CLMN: variants seen among roughly 807,000 people sequenced by gnomAD.
CLMN encodes the protein calmin (calponin-like, transmembrane).
A neutral mutation model predicts 92.7 loss-of-function variants in CLMN; 57 were observed. The observed-to-expected ratio is 0.61, with a 90% CI of 0.50 to 0.77. The LOEUF (loss-of-function observed/expected upper bound fraction) is 0.77. Ranked by LOEUF, CLMN falls within the 30% of genes least tolerant of loss-of-function variation. The pLI is 0.00. For synonymous variants in CLMN, 466 were observed against 470.6 expected (o/e 0.99, Z 0.13); for missense variants, 1,158 against 1,237.5 (o/e 0.94, Z 0.96).
rs144388843 is a variant in CLMN, at chr14:95,284,365, C to T, written c.82+35346G>A. ...AAGGGAAATGTGGGGTCAGAGCCCC[C>T]ATACAGAGTCCCTACTGGGGCACTG... On this transcript the variant is annotated intron_variant, in intron 1 of 12. Transcript: ENST00000298912. Among the ~76,000 whole-genome samples the T allele has an allele frequency of 2.2e-3, 337 of 152,356 alleles. 1 individual carries two copies. Among genetic ancestry groups the T allele is most frequent in the African/African-American group, 7.4e-3 (307 of 41,590 alleles).
In CLMN at chr14:95,184,510, G is replaced by T. The variant is rs1285483155; in HGVS notation, c.*7054C>A. 1 of 152,210 alleles carries T rather than the reference G, an allele frequency of 6.6e-6. No individual in the cohort carries two copies. The highest frequency in any genetic ancestry group is 6.5e-5 in the Admixed American group (1 of 15,288). The allele number at this position is 152,210 out of a possible 1,614,324, so 9.4% of individuals were successfully genotyped here. On this transcript the variant is annotated 3_prime_UTR_variant, in exon 13 of 13. Transcript: ENST00000298912. ...CTGGTTGTCTTTTTCCCATAGACAA[G>T]AATGTTTTTTGGCATGTTGCTCCAG... is the stretch of plus-strand genomic sequence containing the variant.
At position 95,203,507 on chromosome 14, in the gene CLMN, G is replaced by A. The variant is rs1345413190; in HGVS notation, c.1842C>T (p.His614=). 6.2e-7 allele frequency: 1 copy of A among 1,614,100 alleles called. No homozygotes were observed. The highest frequency in any genetic ancestry group is 8.5e-7 in the Non-Finnish European group (1 of 1,180,024). Residue 614 remains histidine, a synonymous_variant, in exon 9 of 13, where the codon CAC becomes CAT. Coordinates refer to ENST00000298912, the MANE Select transcript of CLMN (RefSeq NM_024734.4). ...GAGGCTCTGGCGAATCCTTCTTTTT[G>A]TGAGCAGATTTAATACTCCTTTTAC... ...KLGKRSIKSA[H]KKKDSPEPQV... is the part of the protein sequence containing the mutation.
In CLMN at chr14:95,194,167, C is replaced by CG. The variant is rs1896634572; in HGVS notation, c.2770-249dup. On this transcript the variant is annotated intron_variant, in intron 11 of 12. Transcript: ENST00000298912. This position sits in a 1 kb window ranked among gnomAD's most constrained non-coding sequence, Gnocchi z 4.0. ...GAACCCGGATTGGGGTGTGCTGCTC[C>CG]GGGTTCTAACACATCTGCTACTGAG... The CG allele has an allele frequency of 7.1e-7, 1 of 1,404,124 alleles. No homozygotes were observed. The highest frequency in any genetic ancestry group is 1.4e-5 in the African/African-American group (1 of 69,100). 87.0% of individuals were successfully genotyped at this position (1,404,124 alleles called of 1,614,324 possible). A position where few individuals can be genotyped will look rare whatever the true frequency, so the allele number is the denominator to read the frequency against.
chr14:95,194,108 C>A lies in CLMN; in HGVS notation c.2770-189G>T. On this transcript the variant is annotated intron_variant, in intron 11 of 12. Coordinates refer to ENST00000298912, the MANE Select transcript of CLMN (RefSeq NM_024734.4). This position sits in a 1 kb window ranked among gnomAD's most constrained non-coding sequence, Gnocchi z 4.0. ...ATTCCTCTACCTCCTCCCCTAAGCC[C>A]CTCCCTTGTGAGTGCGAGAGACCCC... The A allele has an allele frequency of 7.0e-7, 1 of 1,424,522 alleles. No individual in the cohort carries two copies. 88.2% of individuals were successfully genotyped at this position (1,424,522 alleles called of 1,614,324 possible).
At chr14:95,251,115 C>T (rs759293294) in intron 1 of CLMN, among the ~76,000 whole-genome samples, 24 of 152,134 alleles carry the variant, frequency 1.6e-4, no homozygotes, top group Non-Finnish European at 2.9e-4. Context: ...ACGCATTTGG[C>T]GTCTGCACTC....
Position 95,202,088 on chromosome 14 carries a change from C to T in CLMN, c.2511+750G>A, listed in dbSNP as rs1274176971. Among the ~76,000 whole-genome samples, 3 of 152,144 alleles carry T rather than the reference C, an allele frequency of 2.0e-5. No homozygotes were observed. The South Asian group carries it at 6.2e-4, about 32-fold the overall frequency. ...GCAGAATGATTTATATTCCTTTGGG[C>T]ATATACCTCGTAATGGGATTGGTGG... On this transcript the variant is annotated intron_variant, in intron 9 of 12. Transcript: ENST00000298912.
chr14:95,204,688 T>A (rs549215897), intron 8 of CLMN, among the ~76,000 whole-genome samples: 1 of 152,058 alleles, frequency 6.6e-6, no homozygotes, highest in Non-Finnish European at 1.5e-5. Context: ...TATGAAAACA[T>A]CAGATAAATA....
rs189302493 is a variant in CLMN, at chr14:95,272,247, G to A, written c.83-42114C>T. 2.6e-5 allele frequency among the ~76,000 whole-genome samples: 4 copies of A among 152,312 alleles called. No homozygotes were observed. The East Asian group carries it at 7.7e-4, about 29-fold the overall frequency. ...AAAGGCAGACACTGAGCCGGAGGAG[G>A]AGCCTGCCAGGAGGGTGTGGGCTGA... On this transcript the variant is annotated intron_variant, in intron 1 of 12. Coordinates refer to ENST00000298912, the MANE Select transcript of CLMN (RefSeq NM_024734.4).
intron 1 of CLMN, among the ~76,000 whole-genome samples, chr14:95,238,046 C>G (rs1394273117): frequency 6.6e-6 from 1 of 152,186 alleles, no homozygotes; most frequent in African/African-American, 2.4e-5. Context: ...ACTGGCCCAC[C>G]CTCCGACCAC....
In CLMN at chr14:95,256,059, C is replaced by G. The variant is rs10129437; in HGVS notation, c.83-25926G>C. On this transcript the variant is annotated intron_variant, in intron 1 of 12. Transcript: ENST00000298912. The surrounding 1 kb of genome is among the most constrained non-coding windows in gnomAD (Gnocchi z 4.9). ...AATGAGGAAACTGAGGCACAGAAAG[C>G]TTAACGAACTTGCCTGCAGTCATAC... is the stretch of plus-strand genomic sequence containing the variant. Among the ~76,000 whole-genome samples the G allele has an allele frequency of 0.24, 36,559 of 152,092 alleles. 5,897 individuals carry two copies. The highest frequency in any genetic ancestry group is 0.46 in the African/African-American group (18,894 of 41,422).
At chr14:95,243,387 G>T (rs77036989) in intron 1 of CLMN, among the ~76,000 whole-genome samples, 35,221 of 152,040 alleles carry the variant, frequency 0.23, 5,309 homozygotes, top group African/African-American at 0.43. Context: ...TTTGTTACTT[G>T]CAAGTCAGGG....
intron 1 of CLMN, among the ~76,000 whole-genome samples, chr14:95,295,586 T>C (rs1900778370): frequency 6.6e-6 from 1 of 152,156 alleles, no homozygotes; most frequent in Non-Finnish European, 1.5e-5. Flanking sequence ...CTAGCCCTCT[T>C]TGAATGCACA....
At chr14:95,311,266 A>G (rs1459390186) in intron 1 of CLMN, among the ~76,000 whole-genome samples, 1 of 152,146 alleles carries the variant, frequency 6.6e-6, no homozygotes, top group African/African-American at 2.4e-5. Context: ...ACTGCTTTTA[A>G]GTATGTCATA....
At position 95,203,444 on chromosome 14, in the gene CLMN, G is replaced by A. The variant is rs374137930; in HGVS notation, c.1905C>T (p.Ser635=). 7.5e-5 allele frequency: 121 copies of A among 1,613,928 alleles called. No individual in the cohort carries two copies. The highest frequency in any genetic ancestry group is 9.8e-5 in the Non-Finnish European group (116 of 1,180,012). The change falls in exon 9 of 13, where the codon TCC becomes TCT. Residue 635 remains serine, a synonymous_variant. Transcript: ENST00000298912. ...KMDKHEPHQD[S]GEEAEGCPSA... is the part of the protein sequence containing the mutation. Reference sequence around the variant, plus strand: ...AAGGACAGCCTTCAGCTTCTTCTCCGGAGTCCTGATGAGGTTCATGTTTGT... The same window carrying A: ...AAGGACAGCCTTCAGCTTCTTCTCCAGAGTCCTGATGAGGTTCATGTTTGT...
intron 1 of CLMN, among the ~76,000 whole-genome samples, chr14:95,236,074 G>C (rs1036440467): frequency 6.6e-6 from 1 of 152,204 alleles, no homozygotes; most frequent in Non-Finnish European, 1.5e-5. Flanking sequence ...GACAGCAGCC[G>C]CCACTTCCCA....
chr14:95,258,952 ATGTGTT>A (rs1472639987), intron 1 of CLMN, among the ~76,000 whole-genome samples: 2 of 138,662 alleles, frequency 1.4e-5, no homozygotes, highest in Non-Finnish European at 3.1e-5. Context: ...TGAATGGAGT[ATGTGTT>A]TGTGTGTATG....
At chr14:95,237,410 T>C (rs1054161609) in intron 1 of CLMN, among the ~76,000 whole-genome samples, 1 of 152,204 alleles carries the variant, frequency 6.6e-6, no homozygotes, top group African/African-American at 2.4e-5. Flanking sequence ...TGTGTGTGTG[T>C]GCCATGGGGT....
Position 95,183,483 on chromosome 14 carries a change from C to T in CLMN, c.*8081G>A, listed in dbSNP as rs1896373165. On this transcript the variant is annotated 3_prime_UTR_variant, in exon 13 of 13. Transcript: ENST00000298912. Reference sequence around the variant, plus strand: ...AATACAGGAAAAATAATAATCCCTGCCTCAGAGACCAACCAGTTATGAATT... The same window carrying T: ...AATACAGGAAAAATAATAATCCCTGTCTCAGAGACCAACCAGTTATGAATT... The T allele has an allele frequency of 6.6e-6, 1 of 152,218 alleles. No homozygotes were observed. The highest frequency in any genetic ancestry group is 1.5e-5 in the Non-Finnish European group (1 of 68,046). The allele number at this position is 152,218 out of a possible 1,614,324, so 9.4% of individuals were successfully genotyped here.
chr14:95,199,515 G>GC lies in CLMN; in HGVS notation c.2512-2822dup, dbSNP rs375323696. ...TTCATTTACCTTCCATTTGCTGTAT[G>GC]CCCCCGAAACCATCGTGTAATAAAC... On this transcript the variant is annotated intron_variant, in intron 9 of 12. Transcript: ENST00000298912. Among the ~76,000 whole-genome samples, 223 of 152,236 alleles carry GC rather than the reference G, an allele frequency of 1.5e-3. 3 individuals carry two copies. The highest frequency in any genetic ancestry group is 5.1e-3 in the African/African-American group (210 of 41,536).
Sources: allele counts gnomAD v4.1 joint callset (sites outside exome capture counted in the v4.1 genomes callset), GRCh38; gene constraint gnomAD v4.1.1; non-coding constraint Gnocchi (gnomAD v3.1); transcripts MANE v1.5; gene names NCBI Gene and HGNC (gene_info 2026-07-23, HGNC 2026-07-21).